NINL: variants seen among roughly 807,000 people sequenced by gnomAD.
The protein encoded by NINL is ninein-like protein.
Under a neutral mutation model 160.3 loss-of-function variants are expected in NINL, and 153 were observed. That is an observed-to-expected ratio of 0.95 (90% CI 0.84 to 1.09). The LOEUF is 1.09. Ranked by LOEUF, NINL falls within the 50% of genes least tolerant of loss-of-function variation. The probability of loss-of-function intolerance (pLI) is 0.00; values close to 1 mark genes in which losing one functional copy is unlikely to be tolerated. For synonymous variants in NINL, 800 were observed against 734.8 expected, an observed-to-expected ratio of 1.09 and a Z score of -1.43; for missense variants, 1,829 against 1,764.0, an observed-to-expected ratio of 1.04 and a Z score of -0.66.
intron 1 of NINL, among the ~76,000 whole-genome samples, chr20:25,571,984 A>G (rs1391211452): frequency 2.0e-5 from 3 of 151,918 alleles, no homozygotes; most frequent in Admixed American, 2.0e-4. Flanking sequence ...CTAACAGGCC[A>G]TGTACTGTGT....
At chr20:25,460,474 C>T (rs2062756132) in intron 21 of NINL, among the ~76,000 whole-genome samples, 1 of 152,176 alleles carries the variant, frequency 6.6e-6, no homozygotes, top group Non-Finnish European at 1.5e-5. Flanking sequence ...AGCGGTGCCT[C>T]CCAGCGCCAG....
At chr20:25,486,457 C>CT (rs1402652618) in intron 13 of NINL, among the ~76,000 whole-genome samples, 1 of 152,186 alleles carries the variant, frequency 6.6e-6, no homozygotes, top group Non-Finnish European at 1.5e-5. Flanking sequence ...AAGGTTATCT[C>CT]TAGGTTCTGA....
chr20:25,510,703 T>G lies in NINL; in HGVS notation c.488A>C (p.Glu163Ala), dbSNP rs1043794360. The change falls in exon 5 of 24, where the codon GAA (glutamate) becomes GCA (alanine). Residue 163 changes from glutamate to alanine, a missense_variant. By Grantham distance (107) the Glu-to-Ala change is moderately radical (BLOSUM62 -1). Transcript: ENST00000278886. ...TGCTTCAAATAATTCATTCTGAGCT[T>G]CTTTAGTGCTCTCGGCCTCTTCATC... Reference protein sequence around the residue: ...KSDEEAESTKEAQNELFEAQG... With the variant: ...KSDEEAESTKAAQNELFEAQG... The G allele has an allele frequency of 4.1e-5, 66 of 1,613,870 alleles. No individual in the cohort carries two copies. The highest frequency in any genetic ancestry group is 1.1e-4 in the East Asian group (5 of 44,894).
chr20:25,455,667 A>C lies in NINL; in HGVS notation c.3957+6T>G, dbSNP rs766145062. The C allele has an allele frequency of 2.1e-5, 33 of 1,601,638 alleles. No homozygotes were observed. In the South Asian group the frequency reaches 2.9e-4, roughly 14 times the overall value. ...GAACACGAAAGCAGCAGCGCCCATC[A>C]CTCACCTGCTCCTTCAGCTTATCCA... On this transcript the variant is annotated splice_donor_region_variant and intron_variant, in intron 23 of 23. Coordinates refer to ENST00000278886, the MANE Select transcript of NINL (RefSeq NM_025176.6).
At chr20:25,483,039 A>T (rs1234260991) in intron 13 of NINL, among the ~76,000 whole-genome samples, 1 of 150,776 alleles carries the variant, frequency 6.6e-6, no homozygotes, top group Non-Finnish European at 1.5e-5. Flanking sequence ...AGAAAAAAAT[A>T]AATAAAGAAA....
rs2064658253 is a variant in NINL, at chr20:25,541,301, C to T, written c.-11-14703G>A. Among the ~76,000 whole-genome samples, 2 of 152,216 alleles carry T rather than the reference C, an allele frequency of 1.3e-5. 1 individual carries two copies. The highest frequency in any genetic ancestry group is 1.3e-4 in the Admixed American group (2 of 15,284). On this transcript the variant is annotated intron_variant, in intron 1 of 23. Transcript: ENST00000278886. ...ATTCTGAGCATTAAAAGAGCTAATG[C>T]TAAGCATGCTAACATGTTAGGTACT...
intron 16 of NINL, among the ~76,000 whole-genome samples, chr20:25,478,057 T>C (rs571062607): frequency 6.6e-6 from 1 of 151,980 alleles, no homozygotes; most frequent in South Asian, 2.1e-4. Context: ...CAAGTGATTC[T>C]CCTGCCTCAG....
At chr20:25,474,705 C>G (rs985387922) in intron 17 of NINL, among the ~76,000 whole-genome samples, 2 of 150,792 alleles carry the variant, frequency 1.3e-5, no homozygotes, top group Non-Finnish European at 3.0e-5. Flanking sequence ...ACCTCTGCCT[C>G]TCAGGTTCAA....
intron 21 of NINL, among the ~76,000 whole-genome samples, chr20:25,460,686 G>C (rs1434713176): frequency 6.6e-6 from 1 of 152,178 alleles, no homozygotes; most frequent in African/African-American, 2.4e-5. Context: ...GCCTCAGAAA[G>C]CTCTGGGGTC....
chr20:25,564,805 T>TAA (rs11411276), intron 1 of NINL, among the ~76,000 whole-genome samples: 127 of 142,778 alleles, frequency 8.9e-4, no homozygotes, highest in East Asian at 1.2e-3. Flanking sequence ...TCCCCACAAT[T>TAA]AAAAAAAAAA....
chr20:25,471,145 G>GC (rs1280346377), intron 17 of NINL, among the ~76,000 whole-genome samples: 1 of 151,984 alleles, frequency 6.6e-6, no homozygotes, highest in Non-Finnish European at 1.5e-5. Context: ...GTAGGCATGC[G>GC]CCACCACGCC....
At chr20:25,501,080 C>A in intron 7 of NINL, 70 bp from the exon 8 acceptor site, 1 of 1,528,054 alleles carries the variant, frequency 6.5e-7, no homozygotes, top group South Asian at 1.3e-5. Flanking sequence ...CTGATGTGCT[C>A]TCCACCCTCC....
At chr20:25,559,293 T>G (rs1280294929) in intron 1 of NINL, among the ~76,000 whole-genome samples, 1 of 152,110 alleles carries the variant, frequency 6.6e-6, no homozygotes, top group Admixed American at 6.5e-5. Context: ...CAGGCTGGAG[T>G]GCAGTGGCGC....
intron 8 of NINL, chr20:25,499,221 A>G (rs903563958): frequency 3.0e-6 from 3 of 985,226 alleles, no homozygotes; most frequent in African/African-American, 3.5e-5. Flanking sequence ...CCGCCTGGAA[A>G]GCTGTCCCTA....
At chr20:25,545,396 T>G (rs1479055878) in intron 1 of NINL, among the ~76,000 whole-genome samples, 2 of 152,182 alleles carry the variant, frequency 1.3e-5, no homozygotes, top group East Asian at 3.9e-4. Context: ...AGACTTAGAC[T>G]GTAGACCTAA....
chr20:25,551,942 C>T (rs980723552), intron 1 of NINL, among the ~76,000 whole-genome samples: 1 of 152,160 alleles, frequency 6.6e-6, no homozygotes, highest in African/African-American at 2.4e-5. Flanking sequence ...GGTTTAGGGG[C>T]TAGCAAGGGA....
At chr20:25,549,007 T>C (rs2071616099) in intron 1 of NINL, among the ~76,000 whole-genome samples, 1 of 141,946 alleles carries the variant, frequency 7.0e-6, no homozygotes, top group African/African-American at 2.7e-5. Context: ...CACCCAGGGC[T>C]GACCCCAGTA....
intron 2 of NINL, among the ~76,000 whole-genome samples, chr20:25,519,886 C>T (rs966368819): frequency 6.6e-6 from 1 of 150,752 alleles, no homozygotes; most frequent in African/African-American, 2.4e-5. Context: ...TGCCTGTAGA[C>T]CCAGCTACCT....
intron 2 of NINL, among the ~76,000 whole-genome samples, chr20:25,521,131 A>G (rs1037278174): frequency 3.3e-5 from 5 of 152,132 alleles, no homozygotes; most frequent in African/African-American, 4.8e-5. Context: ...TTCTCACTCC[A>G]TCTGTACCAC....
Sources: gnomAD v4.1 joint callset for allele counts (sites outside exome capture counted in the v4.1 genomes callset) on GRCh38, gnomAD v4.1.1 for gene constraint, MANE v1.5 for transcripts, NCBI Gene and HGNC (gene_info 2026-07-23, HGNC 2026-07-21) for gene names.